Variants in GALNT18 observed in about 807,000 individuals in gnomAD.
GALNT18 encodes polypeptide N-acetylgalactosaminyltransferase 18, also known as GalNAc-transferase 18.
GALNT18 carries 44 observed loss-of-function variants against 69.5 expected under a neutral mutation model. The observed-to-expected ratio is 0.63, with a 90% CI of 0.50 to 0.81. GALNT18 has a LOEUF of 0.81. Among genes scored for constraint, GALNT18 ranks in the 40% least tolerant of loss-of-function variants. The probability of loss-of-function intolerance (pLI) is 0.00; values close to 1 mark genes in which losing one functional copy is unlikely to be tolerated. For missense variants in GALNT18, 715 were observed against 810.0 expected, an observed-to-expected ratio of 0.88 and a Z score of 1.42; for synonymous variants, 364 against 318.2, an observed-to-expected ratio of 1.14 and a Z score of -1.53.
intron 1 of GALNT18, among the ~76,000 whole-genome samples, chr11:11,520,138 C>A (rs1055061683): frequency 6.6e-6 from 1 of 152,252 alleles, no homozygotes; most frequent in African/African-American, 2.4e-5. Flanking sequence ...TTTTAACCAA[C>A]AAGCTTGTAG....
At chr11:11,552,415 G>C (rs969178718) in intron 1 of GALNT18, among the ~76,000 whole-genome samples, 2 of 152,224 alleles carry the variant, frequency 1.3e-5, no homozygotes, top group African/African-American at 4.8e-5. Context: ...AAGACCAAGA[G>C]CTTCTGGAAG....
chr11:11,408,975 A>T (rs546659714), intron 3 of GALNT18, among the ~76,000 whole-genome samples: 3 of 152,334 alleles, frequency 2.0e-5, no homozygotes, highest in South Asian at 4.1e-4. Context: ...ACAGACACAT[A>T]TGTGCGTCCT....
chr11:11,595,926 C>A lies in GALNT18; in HGVS notation c.235+25433G>T, dbSNP rs1298523871. Among the ~76,000 whole-genome samples, 1 of 151,930 alleles carries A rather than the reference C, an allele frequency of 6.6e-6. No homozygotes were observed. The highest frequency in any genetic ancestry group is 1.5e-5 in the Non-Finnish European group (1 of 67,956). ...CCAATTTATCCATTTTTTTTTGTCA[C>A]TGTGCTTTTGATGTCATACCTAAGT... On this transcript the variant is annotated intron_variant, in intron 1 of 10. Coordinates refer to ENST00000227756, the MANE Select transcript of GALNT18 (RefSeq NM_198516.3). The surrounding 1 kb of genome is among the most constrained non-coding windows in gnomAD (Gnocchi z 5.2).
chr11:11,385,301 T>A (rs1244099910), intron 3 of GALNT18, among the ~76,000 whole-genome samples: 8 of 150,932 alleles, frequency 5.3e-5, no homozygotes, highest in Admixed American at 3.3e-4. Context: ...GGATCAAATT[T>A]TTTTTTTTTT....
At position 11,505,880 on chromosome 11, in the gene GALNT18, G is replaced by C. The variant is rs1023395785; in HGVS notation, c.236-56944C>G. 6.6e-6 allele frequency among the ~76,000 whole-genome samples: 1 copy of C among 152,158 alleles called. No individual in the cohort carries two copies. The highest frequency in any genetic ancestry group is 2.4e-5 in the African/African-American group (1 of 41,430). On this transcript the variant is annotated intron_variant, in intron 1 of 10. Transcript: ENST00000227756. This position sits in a 1 kb window ranked among gnomAD's most constrained non-coding sequence, Gnocchi z 4.6. ...TTACTGATCTAATCTCCGAGTCAGA[G>C]AAGCCAGCCATCCATCCTCACTCCT...
intron 10 of GALNT18, among the ~76,000 whole-genome samples, chr11:11,281,139 C>G (rs1247598085): frequency 6.6e-6 from 1 of 152,196 alleles, no homozygotes; most frequent in Non-Finnish European, 1.5e-5. Flanking sequence ...AGGCAGGGGA[C>G]CAAAACCAGC....
intron 1 of GALNT18, among the ~76,000 whole-genome samples, chr11:11,509,574 C>T (rs1223029808): frequency 2.0e-5 from 3 of 152,218 alleles, no homozygotes; most frequent in Non-Finnish European, 2.9e-5. Flanking sequence ...AGTTACTGAA[C>T]AATGGAGAGA....
intron 1 of GALNT18, among the ~76,000 whole-genome samples, chr11:11,578,996 A>G (rs1341856753): frequency 6.6e-6 from 1 of 152,170 alleles, no homozygotes; most frequent in African/African-American, 2.4e-5. Flanking sequence ...GGAAGGAAGG[A>G]AGGAAAGAAG....
chr11:11,352,650 A>T (rs112076136), intron 6 of GALNT18: 5 of 1,614,066 alleles, frequency 3.1e-6, no homozygotes, highest in Non-Finnish European at 4.2e-6. Context: ...ATGGGGCTTG[A>T]CATCTCTGTG....
At position 11,595,650 on chromosome 11, in the gene GALNT18, C is replaced by T. The variant is rs111902660; in HGVS notation, c.235+25709G>A. Among the ~76,000 whole-genome samples, 3,542 of 152,280 alleles carry T rather than the reference C, an allele frequency of 0.023. 148 individuals are homozygous for T. Among genetic ancestry groups the T allele is most frequent in the African/African-American group, 0.081 (3,370 of 41,550 alleles). ...CAAATGGCTAATTATGTCCAGCATC[C>T]TTTCATGTGGTTACTGAACATTTGT... On this transcript the variant is annotated intron_variant, in intron 1 of 10. Coordinates refer to ENST00000227756, the MANE Select transcript of GALNT18 (RefSeq NM_198516.3). The surrounding 1 kb of genome is among the most constrained non-coding windows in gnomAD (Gnocchi z 5.2).
At chr11:11,393,925 T>C (rs1156999308) in intron 3 of GALNT18, among the ~76,000 whole-genome samples, 1 of 152,256 alleles carries the variant, frequency 6.6e-6, no homozygotes, top group Non-Finnish European at 1.5e-5. Flanking sequence ...ATGTCCTGTT[T>C]GTGTTCCTTT....
intron 6 of GALNT18, among the ~76,000 whole-genome samples, chr11:11,346,362 AC>A (rs1342489183): frequency 6.6e-6 from 1 of 152,218 alleles, no homozygotes; most frequent in African/African-American, 2.4e-5. Context: ...CACTGACTAT[AC>A]AGGCATGGTT....
At chr11:11,467,581 C>T (rs983840507) in intron 1 of GALNT18, among the ~76,000 whole-genome samples, 34 of 152,304 alleles carry the variant, frequency 2.2e-4, no homozygotes, top group Middle Eastern at 6.8e-3. Context: ...CCAGGAGACA[C>T]GCCCACACGC....
chr11:11,438,424 T>C (rs1029814891), intron 2 of GALNT18, among the ~76,000 whole-genome samples: 3 of 152,188 alleles, frequency 2.0e-5, no homozygotes, highest in African/African-American at 7.2e-5. Context: ...TACTAAAAAC[T>C]TCCATTTACT....
At chr11:11,381,547 T>G (rs1018518170) in intron 3 of GALNT18, among the ~76,000 whole-genome samples, 3 of 152,180 alleles carry the variant, frequency 2.0e-5, no homozygotes, top group African/African-American at 7.2e-5. Context: ...AATTCACATC[T>G]TTGTGTGGCT....
rs565054625 is a variant in GALNT18, at chr11:11,389,120, C to T, written c.596-9856G>A. Among the ~76,000 whole-genome samples, 20 of 152,250 alleles carry T rather than the reference C, an allele frequency of 1.3e-4. No homozygotes were observed. The highest frequency in any genetic ancestry group is 7.7e-4 in the East Asian group (4 of 5,182). ...TAATAACCTCATTATTATCTTCAAACGGCAAATGGGAAAAATCAAGGATGA... is the reference window on the plus strand; with the variant it reads ...TAATAACCTCATTATTATCTTCAAATGGCAAATGGGAAAAATCAAGGATGA... On this transcript the variant is annotated intron_variant, in intron 3 of 10. Coordinates refer to ENST00000227756, the MANE Select transcript of GALNT18 (RefSeq NM_198516.3). The surrounding 1 kb of genome is among the most constrained non-coding windows in gnomAD (Gnocchi z 4.3).
intron 6 of GALNT18, among the ~76,000 whole-genome samples, chr11:11,354,489 C>G (rs1850486465): frequency 6.6e-6 from 1 of 152,180 alleles, no homozygotes; most frequent in Admixed American, 6.5e-5. Context: ...ACTTCACCTT[C>G]CAACACTCAG....
rs1436559484 is a variant in GALNT18, at chr11:11,337,376, T to A, written c.1278+3443A>T. Among the ~76,000 whole-genome samples the A allele has an allele frequency of 6.6e-6, 1 of 152,164 alleles. No individual in the cohort carries two copies. Among genetic ancestry groups the A allele is most frequent in the African/African-American group, 2.4e-5 (1 of 41,452 alleles). ...CAGTCTGTCCTCAGAGAGCCCATGG[T>A]GTATTGTGGTGGTTCTCAGTGGTTC... is the stretch of plus-strand genomic sequence containing the variant. On this transcript the variant is annotated intron_variant, in intron 7 of 10. Transcript: ENST00000227756. The surrounding 1 kb of genome is among the most constrained non-coding windows in gnomAD (Gnocchi z 4.9).
intron 4 of GALNT18, among the ~76,000 whole-genome samples, chr11:11,378,304 C>A (rs1000019140): frequency 6.6e-6 from 1 of 152,176 alleles, no homozygotes; most frequent in East Asian, 1.9e-4. Flanking sequence ...GGAGAGCAGA[C>A]CCCAGTGACA....
Sources: allele counts gnomAD v4.1 joint callset (sites outside exome capture counted in the v4.1 genomes callset), GRCh38; gene constraint gnomAD v4.1.1; non-coding constraint Gnocchi (gnomAD v3.1); transcripts MANE v1.5; gene names NCBI Gene and HGNC (gene_info 2026-07-23, HGNC 2026-07-21).